PAG1: variants seen among roughly 807,000 people sequenced by gnomAD.
PAG1 encodes phosphoprotein membrane anchor with glycosphingolipid microdomains 1, also known as phosphoprotein associated with glycosphingolipid-enriched microdomains 1.
In PAG1, 23 loss-of-function variants were observed where a neutral mutation model predicts 31.7. The observed-to-expected ratio is 0.73, with a 90% CI of 0.52 to 1.03. The LOEUF (loss-of-function observed/expected upper bound fraction) is 1.03. PAG1 is among the 50% of genes least tolerant of loss of function. The pLI, the probability that PAG1 is intolerant of heterozygous loss-of-function variation, is 0.00. For synonymous variants in PAG1, 214 were observed against 210.3 expected (o/e 1.02, Z -0.15); for missense variants, 473 against 540.7 (o/e 0.87, Z 1.24).
intron 2 of PAG1, among the ~76,000 whole-genome samples, chr8:81,046,106 C>T (rs533737502): frequency 6.6e-6 from 1 of 152,234 alleles, no homozygotes; most frequent in African/African-American, 2.4e-5. Context: ...GTTCCAAAGC[C>T]CTCATTTTAC....
At chr8:81,107,424 G>C (rs879504869) in intron 1 of PAG1, among the ~76,000 whole-genome samples, 1 of 152,074 alleles carries the variant, frequency 6.6e-6, no homozygotes, top group Non-Finnish European at 1.5e-5. Flanking sequence ...TATCACAAAG[G>C]CTCAAAAATC....
intron 3 of PAG1, among the ~76,000 whole-genome samples, chr8:81,027,588 T>C (rs1808303944): frequency 1.3e-5 from 2 of 152,200 alleles, no homozygotes; most frequent in Admixed American, 1.3e-4. Flanking sequence ...TTTATAAAAA[T>C]ATCCAGGGAG....
At chr8:81,085,545 G>A (rs1420653082) in intron 1 of PAG1, among the ~76,000 whole-genome samples, 2 of 152,170 alleles carry the variant, frequency 1.3e-5, no homozygotes, top group Non-Finnish European at 2.9e-5. Flanking sequence ...CTGGCCTACC[G>A]TGAAATGTGC....
intron 2 of PAG1, among the ~76,000 whole-genome samples, chr8:81,069,090 C>T (rs1809054382): frequency 6.6e-6 from 1 of 152,182 alleles, no homozygotes; most frequent in Admixed American, 6.5e-5. Context: ...CCTAAGTTAA[C>T]TAACAAAAGG....
chr8:81,032,620 G>C (rs1395040714), intron 2 of PAG1, among the ~76,000 whole-genome samples: 5 of 152,186 alleles, frequency 3.3e-5, no homozygotes, highest in Non-Finnish European at 7.3e-5. Context: ...ATGCCCTGCT[G>C]ATGGGAATGT....
chr8:81,040,950 A>T (rs920941315), intron 2 of PAG1: 1 of 152,254 alleles, frequency 6.6e-6, no homozygotes, highest in African/African-American at 2.4e-5. Flanking sequence ...CCTTGTACAA[A>T]AGCACGATGT....
chr8:80,987,706 G>A (rs1807454957), intron 5 of PAG1, among the ~76,000 whole-genome samples: 1 of 152,068 alleles, frequency 6.6e-6, no homozygotes, highest in Non-Finnish European at 1.5e-5. Context: ...ATCCATATAT[G>A]TTATACCTAT....
At chr8:80,984,158 T>G (rs929266622) in intron 7 of PAG1, among the ~76,000 whole-genome samples, 3 of 152,238 alleles carry the variant, frequency 2.0e-5, no homozygotes, top group Non-Finnish European at 4.4e-5. Context: ...GGATGTGAAC[T>G]TCATCGTGGC....
At chr8:81,092,462 C>G (rs1334316861) in intron 1 of PAG1, among the ~76,000 whole-genome samples, 2 of 152,116 alleles carry the variant, frequency 1.3e-5, no homozygotes, top group Non-Finnish European at 2.9e-5. Context: ...TACATTTATT[C>G]TGAATATAAT....
intron 1 of PAG1, among the ~76,000 whole-genome samples, chr8:81,074,225 A>G (rs1809140873): frequency 6.6e-6 from 1 of 152,116 alleles, no homozygotes; most frequent in Admixed American, 6.5e-5. Flanking sequence ...GAGCACAGTG[A>G]TGTGTGTTCC....
chr8:81,080,317 C>T (rs1809245366), intron 1 of PAG1, among the ~76,000 whole-genome samples: 1 of 152,110 alleles, frequency 6.6e-6, no homozygotes, highest in Admixed American at 6.6e-5. Flanking sequence ...AGTTTAACAA[C>T]TGCAAATCCA....
chr8:81,014,598 T>G (rs1169473307), intron 3 of PAG1, among the ~76,000 whole-genome samples: 1 of 152,212 alleles, frequency 6.6e-6, no homozygotes, highest in East Asian at 1.9e-4. Context: ...GATTCAATAT[T>G]TCTGTTGTTG....
At chr8:81,105,277 A>AT (rs1809676462) in intron 1 of PAG1, among the ~76,000 whole-genome samples, 1 of 152,144 alleles carries the variant, frequency 6.6e-6, no homozygotes, top group African/African-American at 2.4e-5. Flanking sequence ...ATTTTCTGGT[A>AT]TTTGAGGTCT....
At chr8:81,011,223 T>A (rs994832700) in intron 3 of PAG1, among the ~76,000 whole-genome samples, 4 of 152,202 alleles carry the variant, frequency 2.6e-5, no homozygotes, top group Admixed American at 6.5e-5. Context: ...TTTGGCTGTG[T>A]CCCCACCCAA....
chr8:80,996,182 T>C (rs1051498958), intron 3 of PAG1, among the ~76,000 whole-genome samples: 1 of 152,220 alleles, frequency 6.6e-6, no homozygotes, highest in Non-Finnish European at 1.5e-5. Context: ...AGGAGGACTG[T>C]GGGACACCAG....
chr8:81,103,239 G>A (rs917305719), intron 1 of PAG1, among the ~76,000 whole-genome samples: 3 of 150,974 alleles, frequency 2.0e-5, no homozygotes, highest in Non-Finnish European at 4.4e-5. Flanking sequence ...ATCAAATATA[G>A]AAATTGTAGC....
At chr8:81,001,270 T>A (rs1275159251) in intron 3 of PAG1, among the ~76,000 whole-genome samples, 1 of 152,244 alleles carries the variant, frequency 6.6e-6, no homozygotes, top group Non-Finnish European at 1.5e-5. Context: ...ATCTGGTTCA[T>A]AACTGTAGCC....
At chr8:81,052,002 C>T (rs1322495877) in intron 2 of PAG1, among the ~76,000 whole-genome samples, 6 of 151,640 alleles carry the variant, frequency 4.0e-5, no homozygotes, top group South Asian at 2.1e-4. Context: ...TGGTGGTGGG[C>T]GCCTGTAGTC....
chr8:81,070,057 G>C (rs2130964437), intron 2 of PAG1, 55 bp downstream of exon 2: 1 of 152,330 alleles, frequency 6.6e-6, no homozygotes, highest in South Asian at 2.1e-4. Context: ...CTAAAAGCCA[G>C]TTTGAATGAG....
Sources: gnomAD v4.1 joint callset for allele counts (sites outside exome capture counted in the v4.1 genomes callset) on GRCh38, gnomAD v4.1.1 for gene constraint, MANE v1.5 for transcripts, NCBI Gene and HGNC (gene_info 2026-07-23, HGNC 2026-07-21) for gene names.